Variants in ARFGEF3 observed in about 807,000 individuals in gnomAD.
ARFGEF3 encodes ARFGEF family member 3.
Under a neutral mutation model 221.7 loss-of-function variants are expected in ARFGEF3, and 96 were observed. That is an observed-to-expected ratio of 0.43 (90% CI 0.37 to 0.51). The LOEUF (loss-of-function observed/expected upper bound fraction) is 0.51. Among genes scored for constraint, ARFGEF3 ranks in the 20% least tolerant of loss-of-function variants. The probability of loss-of-function intolerance (pLI) is 0.00; values close to 1 mark genes in which losing one functional copy is unlikely to be tolerated. For missense variants in ARFGEF3, 2,410 were observed against 2,789.9 expected (o/e 0.86, Z 3.07); for synonymous variants, 1,145 against 1,126.8 (o/e 1.02, Z -0.32).
rs1459002832 is a variant in ARFGEF3, at chr6:138,343,961, T to C, written c.*7475T>C. The C allele has an allele frequency of 6.6e-6, 1 of 152,152 alleles. No individual in the cohort carries two copies. The highest frequency in any genetic ancestry group is 1.5e-5 in the Non-Finnish European group (1 of 68,016). 9.4% of individuals were successfully genotyped at this position (152,152 alleles called of 1,614,324 possible). Reference sequence around the variant, plus strand: ...AGAGGGAAAAGTTATTTTTGTTTCTTAGTGTTGTGTTGTGGGGATGGGACA... The same window carrying C: ...AGAGGGAAAAGTTATTTTTGTTTCTCAGTGTTGTGTTGTGGGGATGGGACA... On this transcript the variant is annotated 3_prime_UTR_variant, in exon 34 of 34. Transcript: ENST00000251691.
At chr6:138,305,078 A>G (rs1779695631) in intron 22 of ARFGEF3, among the ~76,000 whole-genome samples, 1 of 152,022 alleles carries the variant, frequency 6.6e-6, no homozygotes, top group Non-Finnish European at 1.5e-5. Flanking sequence ...TAAATTAAAA[A>G]AAAAAAAAAC....
rs1780368057 is a variant in ARFGEF3, at chr6:138,338,303, A to T, written c.*1817A>T. ...TGAAAGTTGGATAACTGCTTTTTTTAAATTTTCCAACAGAAGTAACACCAC... is the reference window on the plus strand; with the variant it reads ...TGAAAGTTGGATAACTGCTTTTTTTTAATTTTCCAACAGAAGTAACACCAC... On this transcript the variant is annotated 3_prime_UTR_variant, in exon 34 of 34. Coordinates refer to ENST00000251691, the MANE Select transcript of ARFGEF3 (RefSeq NM_020340.5). 1 of 152,178 alleles carries T rather than the reference A, an allele frequency of 6.6e-6. No homozygotes were observed. The highest frequency in any genetic ancestry group is 2.4e-5 in the African/African-American group (1 of 41,444). 9.4% of individuals were successfully genotyped at this position (152,178 alleles called of 1,614,324 possible).
chr6:138,332,717 T>C (rs1354106617), intron 32 of ARFGEF3, among the ~76,000 whole-genome samples: 1 of 152,216 alleles, frequency 6.6e-6, no homozygotes, highest in African/African-American at 2.4e-5. Context: ...TGAATATACT[T>C]AATATCACTG....
At chr6:138,224,198 C>T (rs1357703247) in intron 4 of ARFGEF3, among the ~76,000 whole-genome samples, 1 of 152,120 alleles carries the variant, frequency 6.6e-6, no homozygotes, top group African/African-American at 2.4e-5. Flanking sequence ...TACAAGTTAC[C>T]ATTTATGATG....
intron 32 of ARFGEF3, among the ~76,000 whole-genome samples, chr6:138,330,675 A>C (rs1428877324): frequency 6.6e-6 from 1 of 152,160 alleles, no homozygotes; most frequent in Non-Finnish European, 1.5e-5. Flanking sequence ...ATCTCAAAAA[A>C]CCAACAAACA....
chr6:138,187,286 A>C (rs1215762396), intron 2 of ARFGEF3, among the ~76,000 whole-genome samples: 2 of 152,196 alleles, frequency 1.3e-5, no homozygotes, highest in Non-Finnish European at 2.9e-5. Flanking sequence ...AAAGCTTTGG[A>C]GAAAGCCAAG....
At chr6:138,258,895 T>TA (rs1355063624) in intron 10 of ARFGEF3, among the ~76,000 whole-genome samples, 1 of 152,242 alleles carries the variant, frequency 6.6e-6, no homozygotes, top group Non-Finnish European at 1.5e-5. Flanking sequence ...GCTAAGTAGA[T>TA]ACTTTGCATA....
intron 10 of ARFGEF3, among the ~76,000 whole-genome samples, chr6:138,258,280 C>T (rs1778722303): frequency 6.6e-6 from 1 of 152,208 alleles, no homozygotes; most frequent in Non-Finnish European, 1.5e-5. Flanking sequence ...GGGTCACTCC[C>T]CCTTCACAGA....
Position 138,336,610 on chromosome 6 carries a change from T to C in ARFGEF3, c.*124T>C. The stretch of plus-strand genomic sequence containing the variant: ...CTACTACTACTGTCTCAGAGAACAG[T>C]GTTTCCTAATGTAAAAAGCCTTTCC... On this transcript the variant is annotated 3_prime_UTR_variant, in exon 34 of 34. Coordinates refer to ENST00000251691, the MANE Select transcript of ARFGEF3 (RefSeq NM_020340.5). 1.3e-6 allele frequency: 1 copy of C among 743,664 alleles called. No individual in the cohort carries two copies. The highest frequency in any genetic ancestry group is 2.4e-5 in the South Asian group (1 of 40,978). The allele number at this position is 743,664 out of a possible 1,614,324, so 46.1% of individuals were successfully genotyped here.
chr6:138,175,832 G>A (rs1776934496), intron 2 of ARFGEF3, among the ~76,000 whole-genome samples: 1 of 152,196 alleles, frequency 6.6e-6, no homozygotes, highest in South Asian at 2.1e-4. Context: ...GTCTAATGCT[G>A]TGAGTGGGAT....
intron 22 of ARFGEF3, among the ~76,000 whole-genome samples, chr6:138,301,191 A>T (rs1357807392): frequency 6.6e-6 from 1 of 152,218 alleles, no homozygotes; most frequent in African/African-American, 2.4e-5. Flanking sequence ...GCAAAAATCA[A>T]GCATAAAACA....
At chr6:138,286,168 G>A (rs992372964) in intron 15 of ARFGEF3, 115 bp downstream of exon 15, 1 of 732,928 alleles carries the variant, frequency 1.4e-6, no homozygotes, top group Non-Finnish European at 2.3e-6. Flanking sequence ...AAAAGTAATT[G>A]GGCCGGGCCC....
rs563439938 is a variant in ARFGEF3, at chr6:138,321,730, A to G, written c.4766+505A>G. ...ACAATCAGCAATCCCATTGCTGGGT[A>G]TATACTCCAAAGAAGGAAAATAATT... On this transcript the variant is annotated intron_variant, in intron 29 of 33. Transcript: ENST00000251691. Among the ~76,000 whole-genome samples, 3 of 152,358 alleles carry G rather than the reference A, an allele frequency of 2.0e-5. No individual in the cohort carries two copies. In the South Asian group the frequency reaches 6.2e-4, roughly 32 times the overall value.
rs1033773731 is a variant in ARFGEF3, at chr6:138,336,931, C to G, written c.*445C>G. 2.0e-5 allele frequency: 3 copies of G among 152,466 alleles called. No individual in the cohort carries two copies. The highest frequency in any genetic ancestry group is 4.8e-5 in the African/African-American group (2 of 41,396). The allele number at this position is 152,466 out of a possible 1,614,324, so 9.4% of individuals were successfully genotyped here. A position where few individuals can be genotyped will look rare whatever the true frequency, so the allele number is the denominator to read the frequency against. On this transcript the variant is annotated 3_prime_UTR_variant, in exon 34 of 34. Coordinates refer to ENST00000251691, the MANE Select transcript of ARFGEF3 (RefSeq NM_020340.5). ...TGATAAACACTCAGACATCTAGTAC[C>G]AGGGATTATTAATTGGAGGAAGATT...
At chr6:138,174,316 G>A (rs190116735) in intron 2 of ARFGEF3, among the ~76,000 whole-genome samples, 1 of 151,750 alleles carries the variant, frequency 6.6e-6, no homozygotes, top group Admixed American at 6.6e-5. Context: ...ATGATATAAA[G>A]AGGAGACATA....
At chr6:138,248,180 T>C (rs569134048) in intron 8 of ARFGEF3, among the ~76,000 whole-genome samples, 62 of 152,300 alleles carry the variant, frequency 4.1e-4, no homozygotes, top group African/African-American at 1.2e-3. Flanking sequence ...TTGTTCATTT[T>C]TGTGGTCATA....
At chr6:138,202,331 A>G (rs1271709318) in intron 2 of ARFGEF3, among the ~76,000 whole-genome samples, 1 of 152,294 alleles carries the variant, frequency 6.6e-6, no homozygotes, top group East Asian at 1.9e-4. Context: ...CCTGAGACCC[A>G]ATTAACAGGC....
chr6:138,242,718 C>T (rs112810681), intron 6 of ARFGEF3, among the ~76,000 whole-genome samples: 1 of 152,118 alleles, frequency 6.6e-6, no homozygotes, highest in Non-Finnish European at 1.5e-5. Flanking sequence ...ACAAACGTGA[C>T]TGAATTATTT....
Position 138,262,871 on chromosome 6 carries a change from A to G in ARFGEF3, c.1388A>G (p.Asp463Gly). The G allele has an allele frequency of 5.0e-6, 8 of 1,613,922 alleles. No individual in the cohort carries two copies. Among genetic ancestry groups the G allele is most frequent in the Non-Finnish European group, 6.8e-6 (8 of 1,179,848 alleles). The change falls in exon 12 of 34, where the codon GAT becomes GGT. Residue 463 changes from aspartate (D) to glycine (G), a missense_variant. This residue lies in a region of ARFGEF3 where 570 missense variants were observed against 586.9 expected (regional missense o/e 0.97). Coordinates refer to ENST00000251691, the MANE Select transcript of ARFGEF3 (RefSeq NM_020340.5). ...LLLLRLEELK[D>G]GAEWSRDSME... ...CTTCTGCGCCTTGAGGAGCTGAAGGATGGGGCTGAGTGGAGCCGAGATTCC... is the reference window on the plus strand; with the variant it reads ...CTTCTGCGCCTTGAGGAGCTGAAGGGTGGGGCTGAGTGGAGCCGAGATTCC...
Sources: allele counts gnomAD v4.1 joint callset (sites outside exome capture counted in the v4.1 genomes callset), GRCh38; gene constraint gnomAD v4.1.1; regional missense constraint gnomAD v4.1.1; transcripts MANE v1.5; gene names NCBI Gene and HGNC (gene_info 2026-07-23, HGNC 2026-07-21).